COMMD5: variants seen among roughly 807,000 people sequenced by gnomAD.
The protein encoded by COMMD5 is COMM domain-containing protein 5.
A neutral mutation model predicts 6.9 loss-of-function variants in COMMD5; 10 were observed. The observed-to-expected ratio is 1.44, with a 90% CI of 0.89 to 2.45. COMMD5 has a LOEUF of 2.45. Ranked by LOEUF, COMMD5 falls within the 30% of genes most tolerant of loss-of-function variation. The pLI is 0.00. For synonymous variants in COMMD5, 127 were observed against 125.3 expected, an observed-to-expected ratio of 1.01 and a Z score of -0.09; for missense variants, 234 against 287.8, an observed-to-expected ratio of 0.81 and a Z score of 1.35.
chr8:144,843,145 C>A (rs1158973679), intron 1 of COMMD5: 1 of 1,590,946 alleles, frequency 6.3e-7, no homozygotes, highest in Non-Finnish European at 8.5e-7. Context: ...GCTTACCCAG[C>A]ATCAAAAAAT....
intron 1 of COMMD5, among the ~76,000 whole-genome samples, chr8:144,844,726 A>ACAAAC (rs1245650751): frequency 9.9e-5 from 6 of 60,824 alleles, no homozygotes; most frequent in African/African-American, 3.8e-4. Flanking sequence ...AAAAAAAAAA[A>ACAAAC]AAAAAAAAAA....
downstream of COMMD5, chr8:144,838,490 C>T (rs565596189): frequency 1.1e-3 from 277 of 247,472 alleles, 1 homozygote; most frequent in Middle Eastern, 0.014. Flanking sequence ...GATGGGTCTG[C>T]GTGCATCTCA....
chr8:144,839,816 G>A (rs917344289), downstream of COMMD5, among the ~76,000 whole-genome samples: 10 of 152,222 alleles, frequency 6.6e-5, no homozygotes, highest in Non-Finnish European at 1.2e-4. Context: ...GTGGAGGAGC[G>A]GCCAGGTCCC....
intron 1 of COMMD5, chr8:144,843,496 G>A (rs774737084): frequency 6.7e-5 from 12 of 178,754 alleles, no homozygotes; most frequent in South Asian, 1.5e-4. Context: ...GCTGAGGCAG[G>A]AGAATGGCAT....
chr8:144,838,162 C>G, downstream of COMMD5: 1 of 702,908 alleles, frequency 1.4e-6, no homozygotes, highest in Non-Finnish European at 2.6e-6. Context: ...GTCCCTCACT[C>G]TGATCTCCGA....
chr8:144,843,278 C>G, intron 1 of COMMD5: 1 of 1,320,986 alleles, frequency 7.6e-7, no homozygotes, highest in Non-Finnish European at 1.0e-6. Context: ...GGTAAAGGTT[C>G]AGAATTGCTC....
At position 144,842,978 on chromosome 8, in the gene COMMD5, G is replaced by A. The variant is rs757438179; in HGVS notation, c.*117-1235C>T. 37 of 1,614,062 alleles carry A rather than the reference G, an allele frequency of 2.3e-5. No individual in the cohort carries two copies. Among genetic ancestry groups the A allele is most frequent in the African/African-American group, 8.0e-5 (6 of 74,916 alleles). Reference sequence around the variant, plus strand: ...CTGGAAGGGTCCACCTTTGTGAGCCGTAAAAAGGTTAATACTATAAAGAAA... The same window carrying A: ...CTGGAAGGGTCCACCTTTGTGAGCCATAAAAAGGTTAATACTATAAAGAAA... On this transcript the variant is annotated intron_variant and NMD_transcript_variant, in intron 1 of 1. Transcript: ENST00000530332.
At position 144,850,575 on chromosome 8, in the gene COMMD5, G is replaced by C; in HGVS notation, c.*89C>G. ...AAGAGCCTGCCTCATGGGAAGGGCA[G>C]GGCTGTCGTGGGAAGAGTCAGCTGC... On this transcript the variant is annotated 3_prime_UTR_variant, in exon 2 of 2. Coordinates refer to ENST00000305103, the MANE Select transcript of COMMD5 (RefSeq NM_014066.4). This position sits in a 1 kb window ranked among gnomAD's most constrained non-coding sequence, Gnocchi z 4.0. 7.2e-7 allele frequency: 1 copy of C among 1,391,780 alleles called. No homozygotes were observed. The highest frequency in any genetic ancestry group is 9.8e-7 in the Non-Finnish European group (1 of 1,018,866). 86.2% of individuals were successfully genotyped at this position (1,391,780 alleles called of 1,614,324 possible). A position where few individuals can be genotyped will look rare whatever the true frequency, so the allele number is the denominator to read the frequency against.
At chr8:144,841,263 T>C in exon 2 of COMMD5, 1 of 1,331,628 alleles carries the variant, frequency 7.5e-7, no homozygotes, top group Non-Finnish European at 1.0e-6. Flanking sequence ...GCAACTATCC[T>C]GGGAGCCTTG....
chr8:144,850,818 G>A lies in COMMD5; in HGVS notation c.521C>T (p.Pro174Leu), dbSNP rs1266958665. 3.1e-6 allele frequency: 5 copies of A among 1,613,774 alleles called. No homozygotes were observed. The highest frequency in any genetic ancestry group is 2.2e-5 in the East Asian group (1 of 44,900). ...AAGCTTCAGCTGCATCAGGACGCTC[G>A]GCTGCAGGGAGCGAGCCAGGGCACT... ...STSALARSLQ[P>L]SVLMQLKLSD... Residue 174 changes from proline to leucine, a missense_variant, in exon 2 of 2, where the codon CCG becomes CTG. Physicochemically the swap from Pro to Leu is moderately conservative, Grantham distance 98. Coordinates refer to ENST00000305103, the MANE Select transcript of COMMD5 (RefSeq NM_014066.4). This position sits in a 1 kb window ranked among gnomAD's most constrained non-coding sequence, Gnocchi z 4.0.
At chr8:144,841,242 C>T (rs1829867617) in exon 2 of COMMD5, 1 of 1,086,046 alleles carries the variant, frequency 9.2e-7, no homozygotes, top group Non-Finnish European at 1.3e-6. Context: ...TGGGGCCTCA[C>T]AGTGCTCAGT....
At chr8:144,843,356 A>C in intron 1 of COMMD5, 1 of 632,954 alleles carries the variant, frequency 1.6e-6, no homozygotes, top group South Asian at 2.7e-5. Flanking sequence ...TTGGGAGGCC[A>C]AGGCGGGCAC....
At position 144,841,853 on chromosome 8, in the gene COMMD5, C is replaced by T. The variant is rs768311169; in HGVS notation, c.*117-110G>A. The T allele has an allele frequency of 2.7e-5, 44 of 1,614,010 alleles. No individual in the cohort carries two copies. Among genetic ancestry groups the T allele is most frequent in the Middle Eastern group, 3.3e-4 (2 of 6,084 alleles). The stretch of plus-strand genomic sequence containing the variant: ...ACAAATAACTGCCATGGAGAGAAGC[C>T]GTACGAATGTGCAGAGTGTGGGAAA... On this transcript the variant is annotated intron_variant and NMD_transcript_variant, in intron 1 of 1. Transcript: ENST00000530332.
At chr8:144,852,781 GCA>G (rs1398794448) in intron 1 of COMMD5, 56 bp downstream of exon 1, 2 of 152,328 alleles carry the variant, frequency 1.3e-5, no homozygotes, top group Non-Finnish European at 2.9e-5. Flanking sequence ...GGACCTTGGT[GCA>G]CAGAGTCAAA....
At chr8:144,841,216 C>T (rs754907110) in exon 2 of COMMD5, 43 of 834,082 alleles carry the variant, frequency 5.2e-5, no homozygotes, top group Non-Finnish European at 7.7e-5. Flanking sequence ...TCTGCCTTCT[C>T]TTGCACGTTT....
Position 144,843,280 on chromosome 8 carries a change from G to A in COMMD5, c.*117-1537C>T. 3.0e-6 allele frequency: 4 copies of A among 1,326,544 alleles called. No individual in the cohort carries two copies. The South Asian group carries it at 6.2e-5, about 20-fold the overall frequency. 82.2% of individuals were successfully genotyped at this position (1,326,544 alleles called of 1,614,324 possible). ...CATGTAGAATGTTGGTAAAGGTTCA[G>A]AATTGCTCTCAAGAATATCCAACTT... On this transcript the variant is annotated intron_variant and NMD_transcript_variant, in intron 1 of 1. Coordinates refer to the COMMD5 transcript ENST00000530332.
chr8:144,851,163 A>G lies in COMMD5; in HGVS notation c.176T>C (p.Leu59Pro), dbSNP rs1830724598. The part of the protein sequence containing the change: ...RKLLKFVVSS[L>P]QGEDCREAVQ... ...AGCCTCTCGGCAGTCCTCCCCCTGC[A>G]GGCTGCTGACCACAAACTTCAGCAA... is the stretch of plus-strand genomic sequence containing the variant. Residue 59 changes from leucine (L) to proline (P), a missense_variant, in exon 2 of 2, where the codon CTG (leucine) becomes CCG (proline). Transcript: ENST00000305103. The G allele has an allele frequency of 6.2e-7, 1 of 1,613,378 alleles. No homozygotes were observed. The highest frequency in any genetic ancestry group is 8.5e-7 in the Non-Finnish European group (1 of 1,180,032).
At chr8:144,843,704 T>C (rs986744308) in intron 1 of COMMD5, 4 of 152,244 alleles carry the variant, frequency 2.6e-5, no homozygotes, top group African/African-American at 4.8e-5. Context: ...GGGTGCAGTC[T>C]GCAGTTTTGA....
chr8:144,849,034 G>A (rs547896049), downstream of COMMD5, among the ~76,000 whole-genome samples: 1 of 152,314 alleles, frequency 6.6e-6, no homozygotes, highest in East Asian at 1.9e-4. Context: ...CCTGAGGACC[G>A]AGGGCAGGTC....
Sources: gnomAD v4.1 joint callset for allele counts (sites outside exome capture counted in the v4.1 genomes callset) on GRCh38, gnomAD v4.1.1 for gene constraint, Gnocchi (gnomAD v3.1) non-coding constraint, MANE v1.5 for transcripts, NCBI Gene and HGNC (gene_info 2026-07-23, HGNC 2026-07-21) for gene names.